Variants in ADGRL3 observed in about 807,000 individuals in gnomAD.
The protein encoded by ADGRL3 is adhesion G protein-coupled receptor L3.
ADGRL3 carries 62 observed loss-of-function variants against 153.5 expected under a neutral mutation model. That is an observed-to-expected ratio of 0.40 (90% confidence interval 0.33 to 0.50). The LOEUF is 0.50. Among genes scored for constraint, ADGRL3 ranks in the 20% least tolerant of loss-of-function variants. The pLI, the probability that ADGRL3 is intolerant of heterozygous loss-of-function variation, is 0.47. For missense variants in ADGRL3, 1,641 were observed against 1,859.4 expected, an observed-to-expected ratio of 0.88 and a Z score of 2.16; for synonymous variants, 710 against 672.5, an observed-to-expected ratio of 1.06 and a Z score of -0.86.
intron 1 of ADGRL3, among the ~76,000 whole-genome samples, chr4:61,203,217 C>T (rs557529249): frequency 9.7e-4 from 147 of 152,310 alleles, no homozygotes; most frequent in Middle Eastern, 6.8e-3. Flanking sequence ...CTGATAGAAA[C>T]ATGCGCTGCT....
At chr4:61,558,681 A>G (rs11735278) in intron 4 of ADGRL3, among the ~76,000 whole-genome samples, 51,583 of 151,686 alleles carry the variant, frequency 0.34, 11,060 homozygotes, top group Non-Finnish European at 0.49. Context: ...CTATTTATCT[A>G]TCTATCTCTT....
intron 8 of ADGRL3, among the ~76,000 whole-genome samples, chr4:61,792,647 A>G (rs1458866210): frequency 3.3e-5 from 5 of 151,466 alleles, no homozygotes; most frequent in African/African-American, 9.7e-5. Flanking sequence ...ATGCCACCAC[A>G]CCCAGCTAAT....
At chr4:61,229,525 C>CTT (rs5858680) in intron 1 of ADGRL3, among the ~76,000 whole-genome samples, 3,107 of 149,026 alleles carry the variant, frequency 0.021, 39 homozygotes, top group South Asian at 0.05. Flanking sequence ...GGAAGTACTG[C>CTT]TTTTTTTTTT....
chr4:61,433,345 A>G (rs2097398715), intron 2 of ADGRL3, among the ~76,000 whole-genome samples: 1 of 142,060 alleles, frequency 7.0e-6, no homozygotes, highest in East Asian at 2.0e-4. Context: ...TAGTTTCAGG[A>G]CTGTGAATAG....
rs2096756392 is a variant in ADGRL3, at chr4:61,751,525, G to A, written c.1399+17971G>A. 2.0e-5 allele frequency among the ~76,000 whole-genome samples: 3 copies of A among 152,244 alleles called. No individual in the cohort carries two copies. The South Asian group carries it at 6.2e-4, about 32-fold the overall frequency. On this transcript the variant is annotated intron_variant, in intron 8 of 26. Coordinates refer to ENST00000683033, the MANE Select transcript of ADGRL3 (RefSeq NM_001387552.1). ...AAAGCTGAAATACTTTGTGCTTTCA[G>A]TAGAAAAAAGTATATAATGCAGACA... is the stretch of plus-strand genomic sequence containing the variant.
chr4:61,905,538 A>G (rs984814606), intron 11 of ADGRL3, among the ~76,000 whole-genome samples: 12 of 152,160 alleles, frequency 7.9e-5, no homozygotes, highest in Non-Finnish European at 1.8e-4. Flanking sequence ...TTAGGTATAA[A>G]GATCCTGACC....
chr4:61,346,749 C>T (rs1194626447), intron 1 of ADGRL3, among the ~76,000 whole-genome samples: 2 of 144,606 alleles, frequency 1.4e-5, no homozygotes, highest in African/African-American at 2.6e-5. Context: ...TGTCACTGGA[C>T]TCCAGCCTGG....
chr4:61,812,609 A>T (rs1051370275), intron 8 of ADGRL3, among the ~76,000 whole-genome samples: 1 of 152,254 alleles, frequency 6.6e-6, no homozygotes, highest in African/African-American at 2.4e-5. Context: ...AACCTTCTGT[A>T]TATAAAGTAC....
At chr4:61,402,640 G>A (rs928364092) in intron 2 of ADGRL3, among the ~76,000 whole-genome samples, 2 of 152,128 alleles carry the variant, frequency 1.3e-5, no homozygotes, top group African/African-American at 2.4e-5. Flanking sequence ...AGGGGAGAGG[G>A]AAAAGAAATG....
chr4:61,434,062 A>C (rs6551629), intron 2 of ADGRL3, among the ~76,000 whole-genome samples: 59,763 of 151,902 alleles, frequency 0.39, 12,309 homozygotes, highest in Middle Eastern at 0.57. Flanking sequence ...TTTCTGATTC[A>C]GTCTCCTTCA....
At chr4:62,029,812 C>A (rs530239918) in intron 22 of ADGRL3, among the ~76,000 whole-genome samples, 1 of 150,772 alleles carries the variant, frequency 6.6e-6, no homozygotes, top group East Asian at 2.0e-4. Context: ...AGTATTTGAT[C>A]CTATTATTTT....
intron 8 of ADGRL3, among the ~76,000 whole-genome samples, chr4:61,768,751 C>T (rs1301601411): frequency 6.6e-6 from 1 of 151,714 alleles, no homozygotes; most frequent in Non-Finnish European, 1.5e-5. Flanking sequence ...TGGAAGCTTG[C>T]CCATAGTGAA....
At chr4:61,368,367 C>G (rs909433653) in intron 1 of ADGRL3, among the ~76,000 whole-genome samples, 4 of 152,088 alleles carry the variant, frequency 2.6e-5, no homozygotes, top group Non-Finnish European at 2.9e-5. Flanking sequence ...TTAGGTTTAA[C>G]GTTTAAGTCT....
At chr4:61,638,274 A>C (rs138818561) in intron 5 of ADGRL3, among the ~76,000 whole-genome samples, 1,612 of 152,312 alleles carry the variant, frequency 0.011, 32 homozygotes, top group African/African-American at 0.036. Flanking sequence ...TGTTGAATGA[A>C]AGAAGCCAGG....
Position 62,071,286 on chromosome 4 carries a change from C to T in ADGRL3, c.*378C>T, listed in dbSNP as rs545046373. 6 of 180,658 alleles carry T rather than the reference C, an allele frequency of 3.3e-5. No homozygotes were observed. Among genetic ancestry groups the T allele is most frequent in the African/African-American group, 1.2e-4 (5 of 42,018 alleles). 11.2% of individuals were successfully genotyped at this position (180,658 alleles called of 1,614,324 possible). On this transcript the variant is annotated 3_prime_UTR_variant, in exon 27 of 27. Coordinates refer to ENST00000683033, the MANE Select transcript of ADGRL3 (RefSeq NM_001387552.1). ...GGACCTGCTTTTTAAAAGGCCAGAA[C>T]AATTGTCTGAAATTAGTAACAATGC...
intron 26 of ADGRL3, among the ~76,000 whole-genome samples, chr4:62,068,400 A>G (rs1315957136): frequency 6.6e-6 from 1 of 152,168 alleles, no homozygotes; most frequent in East Asian, 1.9e-4. Context: ...ATAGTTGTTA[A>G]GTTTCATGTA....
At chr4:61,778,032 T>G (rs530971497) in intron 8 of ADGRL3, among the ~76,000 whole-genome samples, 6 of 152,256 alleles carry the variant, frequency 3.9e-5, no homozygotes, top group Admixed American at 3.3e-4. Context: ...ACTTTTTGAG[T>G]GTCAACAACC....
intron 8 of ADGRL3, among the ~76,000 whole-genome samples, chr4:61,747,763 C>T (rs1158678226): frequency 2.0e-5 from 3 of 149,900 alleles, no homozygotes; most frequent in Non-Finnish European, 3.0e-5. Context: ...ACTGAATGGG[C>T]AAAAACTGGA....
intron 8 of ADGRL3, among the ~76,000 whole-genome samples, chr4:61,741,191 G>A (rs972859692): frequency 6.6e-6 from 1 of 152,176 alleles, no homozygotes; most frequent in Non-Finnish European, 1.5e-5. Flanking sequence ...TCTGCTTCCT[G>A]AATGGTTTAG....
Sources: allele counts gnomAD v4.1 joint callset (sites outside exome capture counted in the v4.1 genomes callset), GRCh38; gene constraint gnomAD v4.1.1; transcripts MANE v1.5; gene names NCBI Gene and HGNC (gene_info 2026-07-23, HGNC 2026-07-21).